ESYT2: variants seen among roughly 807,000 people sequenced by gnomAD.
ESYT2 encodes extended synaptotagmin 2, also known as extended synaptotagmin-2.
A neutral mutation model predicts 107.2 loss-of-function variants in ESYT2; 54 were observed. The ratio of observed to expected loss-of-function variants is 0.50; its 90% CI spans 0.40 to 0.63. ESYT2 has a LOEUF of 0.63. ESYT2 is among the 30% of genes least tolerant of loss of function. ESYT2 has a pLI of 0.00. For synonymous variants in ESYT2, 491 were observed against 434.1 expected (o/e 1.13, Z -1.63); for missense variants, 1,020 against 1,094.5 (o/e 0.93, Z 0.96).
chr7:158,777,695 C>T (rs908422410), intron 6 of ESYT2, among the ~76,000 whole-genome samples: 11 of 152,252 alleles, frequency 7.2e-5, no homozygotes, highest in Non-Finnish European at 1.6e-4. Context: ...ATCTTTATAA[C>T]CCCCCTTTCT....
At position 158,732,747 on chromosome 7, in the gene ESYT2, GA is replaced by G. The variant is rs1836790697; in HGVS notation, c.*1459del. 1 of 152,590 alleles carries G rather than the reference GA, an allele frequency of 6.6e-6. No individual in the cohort carries two copies. Among genetic ancestry groups the G allele is most frequent in the South Asian group, 2.1e-4 (1 of 4,832 alleles). 9.5% of individuals were successfully genotyped at this position (152,590 alleles called of 1,614,324 possible). Reference sequence around the variant, plus strand: ...TTACCCACAAGTTGTATAGTTCCATGAAACAAGCTAAAAGCTCCAATTTAAA... The same window carrying G: ...TTACCCACAAGTTGTATAGTTCCATGAACAAGCTAAAAGCTCCAATTTAAA... On this transcript the variant is annotated 3_prime_UTR_variant, in exon 23 of 23. Transcript: ENST00000275418.
intron 6 of ESYT2, among the ~76,000 whole-genome samples, chr7:158,786,267 C>G (rs1186940504): frequency 6.6e-6 from 1 of 152,132 alleles, no homozygotes. Context: ...CTGAAATGAA[C>G]TTTTTAAAAA....
intron 1 of ESYT2, among the ~76,000 whole-genome samples, chr7:158,806,065 G>T (rs965441491): frequency 7.3e-5 from 11 of 151,324 alleles, no homozygotes; most frequent in African/African-American, 2.7e-4. Context: ...AGCCGGCGCC[G>T]GGGCACACCG....
At chr7:158,751,610 TTATAA>T (rs111226587) in intron 14 of ESYT2, among the ~76,000 whole-genome samples, 16,154 of 152,190 alleles carry the variant, frequency 0.11, 877 homozygotes, top group African/African-American at 0.12. Context: ...AATATAACAA[TTATAA>T]TATATATTAT....
chr7:158,744,487 C>T (rs9638137), intron 16 of ESYT2, among the ~76,000 whole-genome samples: 20,979 of 152,142 alleles, frequency 0.14, 2,374 homozygotes, highest in East Asian at 0.56. Flanking sequence ...TAAGCCTTCT[C>T]CATTCAAAAT....
Position 158,741,726 on chromosome 7 carries a change from G to A in ESYT2, c.1965C>T (p.Gly655=), listed in dbSNP as rs750250873. ...NTAPSTPVIG[G]SDKPGMEEKA... is the part of the protein sequence containing the mutation. ...TTTCTTCCATACCAGGCTTATCACT[G>A]CCCCCAATGACTGGTGTGGATGGAG... is the stretch of plus-strand genomic sequence containing the variant. The change falls in exon 18 of 23, where the codon GGC becomes GGT. Residue 655 remains glycine, a synonymous_variant. Coordinates refer to ENST00000275418, the MANE Select transcript of ESYT2 (RefSeq NM_001367773.1). The A allele has an allele frequency of 3.1e-6, 5 of 1,614,054 alleles. No homozygotes were observed. Among genetic ancestry groups the A allele is most frequent in the Non-Finnish European group, 4.2e-6 (5 of 1,180,016 alleles).
At chr7:158,795,976 G>A (rs62480282) in intron 3 of ESYT2, among the ~76,000 whole-genome samples, 11 of 152,144 alleles carry the variant, frequency 7.2e-5, no homozygotes, top group Admixed American at 1.3e-4. Context: ...TCTGCACACA[G>A]AAAGTCAGCT....
chr7:158,810,458 G>A (rs537243944), intron 1 of ESYT2, among the ~76,000 whole-genome samples: 1 of 152,338 alleles, frequency 6.6e-6, no homozygotes, highest in Admixed American at 6.5e-5. Context: ...CTGACAGGCA[G>A]GAGGATCACT....
chr7:158,740,182 G>C (rs1052176901), intron 18 of ESYT2, among the ~76,000 whole-genome samples: 2 of 152,192 alleles, frequency 1.3e-5, no homozygotes, highest in African/African-American at 4.8e-5. Flanking sequence ...GCTGCTGGCT[G>C]TTCTAGAGAG....
chr7:158,769,218 A>T (rs1237211175), intron 7 of ESYT2, among the ~76,000 whole-genome samples: 2 of 152,250 alleles, frequency 1.3e-5, no homozygotes, highest in Non-Finnish European at 2.9e-5. Flanking sequence ...TTAAATCCCC[A>T]AAAGAAAAAC....
intron 14 of ESYT2, among the ~76,000 whole-genome samples, chr7:158,751,274 A>G (rs1180365469): frequency 6.6e-6 from 1 of 152,230 alleles, no homozygotes; most frequent in East Asian, 1.9e-4. Flanking sequence ...TAAGTATAAA[A>G]TAAACACTGT....
intron 14 of ESYT2, among the ~76,000 whole-genome samples, chr7:158,751,795 T>C (rs1837594603): frequency 6.6e-6 from 1 of 152,194 alleles, no homozygotes; most frequent in South Asian, 2.1e-4. Flanking sequence ...TTAAACACAG[T>C]CTGATTTCAG....
chr7:158,760,342 TG>T (rs1277970843), intron 11 of ESYT2, among the ~76,000 whole-genome samples, 195 bp from the exon 12 acceptor site: 1 of 152,230 alleles, frequency 6.6e-6, no homozygotes, highest in East Asian at 1.9e-4. Context: ...TTGGAGGCGA[TG>T]GCAGCAACAG....
intron 1 of ESYT2, among the ~76,000 whole-genome samples, chr7:158,828,737 A>C (rs2129474557): frequency 6.6e-6 from 1 of 151,408 alleles, no homozygotes; most frequent in East Asian, 2.0e-4. Flanking sequence ...ACAGGTTCGC[A>C]GGGAGTGGGC....
intron 18 of ESYT2, among the ~76,000 whole-genome samples, chr7:158,739,476 A>G (rs913160741): frequency 1.3e-5 from 2 of 152,072 alleles, no homozygotes; most frequent in African/African-American, 4.8e-5. Flanking sequence ...CCTCCTGAGT[A>G]GCTGGGATTA....
At chr7:158,788,146 G>T in intron 5 of ESYT2, 53 bp from the exon 6 acceptor site, 1 of 1,468,830 alleles carries the variant, frequency 6.8e-7, no homozygotes, top group Non-Finnish European at 9.5e-7. Context: ...CTGCAGGGCC[G>T]CTTAACGCAA....
At chr7:158,777,106 G>A (rs562929616) in intron 6 of ESYT2, among the ~76,000 whole-genome samples, 9 of 151,726 alleles carry the variant, frequency 5.9e-5, no homozygotes, top group East Asian at 3.9e-4. Flanking sequence ...CAAGTGATCC[G>A]CCCCACTTGG....
At chr7:158,813,596 C>A (rs1446272068) in intron 1 of ESYT2, among the ~76,000 whole-genome samples, 2 of 152,122 alleles carry the variant, frequency 1.3e-5, no homozygotes, top group Admixed American at 1.3e-4. Flanking sequence ...CCTTTCCAGA[C>A]AAAAATTGAG....
intron 1 of ESYT2, among the ~76,000 whole-genome samples, chr7:158,811,561 G>C (rs527483916): frequency 6.6e-6 from 1 of 152,348 alleles, no homozygotes; most frequent in South Asian, 2.1e-4. Flanking sequence ...ACAGGCGCAT[G>C]AACACAAGCT....
Sources: gnomAD v4.1 joint callset for allele counts (sites outside exome capture counted in the v4.1 genomes callset) on GRCh38, gnomAD v4.1.1 for gene constraint, MANE v1.5 for transcripts, NCBI Gene and HGNC (gene_info 2026-07-23, HGNC 2026-07-21) for gene names.